Variants in CACNA1D observed in about 807,000 individuals in gnomAD.
CACNA1D encodes the protein voltage-dependent L-type calcium channel subunit alpha-1D.
CACNA1D carries 55 observed loss-of-function variants against 257.1 expected under a neutral mutation model. That is an observed-to-expected ratio of 0.21 (90% confidence interval 0.17 to 0.27). The LOEUF is 0.27. Among genes scored for constraint, CACNA1D ranks in the 10% least tolerant of loss-of-function variants. CACNA1D has a pLI of 1.00. For missense variants in CACNA1D, 1,876 were observed against 2,784.0 expected, an observed-to-expected ratio of 0.67 and a Z score of 7.34; for synonymous variants, 980 against 1,014.9, an observed-to-expected ratio of 0.97 and a Z score of 0.65.
At chr3:53,669,980 A>G (rs570307245) in intron 7 of CACNA1D, among the ~76,000 whole-genome samples, 25 of 152,298 alleles carry the variant, frequency 1.6e-4, no homozygotes, top group Non-Finnish European at 3.2e-4. Flanking sequence ...TTTTCCTTCA[A>G]TTCAAAGAAA....
intron 28 of CACNA1D, among the ~76,000 whole-genome samples, chr3:53,752,119 A>C (rs956658434): frequency 8.5e-5 from 13 of 152,164 alleles, no homozygotes. Context: ...TCCGTACAGC[A>C]TGATGGTAGG....
intron 3 of CACNA1D, among the ~76,000 whole-genome samples, chr3:53,552,367 G>C (rs943697436): frequency 1.3e-5 from 2 of 151,886 alleles, no homozygotes; most frequent in African/African-American, 2.4e-5. Flanking sequence ...TCTCGACATA[G>C]ACCAATTCCC....
intron 8 of CACNA1D, among the ~76,000 whole-genome samples, chr3:53,695,379 G>A (rs563202025): frequency 8.5e-5 from 13 of 152,266 alleles, no homozygotes; most frequent in African/African-American, 2.9e-4. Flanking sequence ...CCCTCAGCAG[G>A]CATCCTTCTT....
Position 53,722,296 on chromosome 3 carries a change from T to A in CACNA1D, c.1506-18T>A, listed in dbSNP as rs909748732. ...GCTGTATCTGTCATCTACGTAGTAA[T>A]GTTTGCTTGTCTTTTAGCCGACGCT... On this transcript the variant is annotated intron_variant, in intron 11 of 47. Transcript: ENST00000350061. 23 of 1,613,808 alleles carry A rather than the reference T, an allele frequency of 1.4e-5. No homozygotes were observed. In the East Asian group the frequency reaches 4.5e-4, roughly 31 times the overall value.
In CACNA1D at chr3:53,727,019, G is replaced by A; in HGVS notation, c.2221+20G>A. 1 of 1,614,066 alleles carries A rather than the reference G, an allele frequency of 6.2e-7. No homozygotes were observed. The highest frequency in any genetic ancestry group is 8.5e-7 in the Non-Finnish European group (1 of 1,179,958). ...GTAACTGTATCCTTCAAGCCGACCA[G>A]GCTTTGTTGTTGCCGTCGTTATCTG... On this transcript the variant is annotated intron_variant, in intron 15 of 47. Transcript: ENST00000350061.
intron 3 of CACNA1D, among the ~76,000 whole-genome samples, chr3:53,579,348 C>G (rs1035290399): frequency 3.3e-5 from 5 of 152,144 alleles, no homozygotes; most frequent in African/African-American, 1.2e-4. Context: ...ATTTCTCTTT[C>G]CTTATTTAAT....
At chr3:53,643,523 C>T (rs2093985684) in intron 3 of CACNA1D, among the ~76,000 whole-genome samples, 1 of 152,168 alleles carries the variant, frequency 6.6e-6, no homozygotes, top group Admixed American at 6.5e-5. Context: ...AGCCGCTGCT[C>T]TCGGTTCTTG....
At chr3:53,530,402 A>G (rs954278554) in intron 3 of CACNA1D, 1 of 152,216 alleles carries the variant, frequency 6.6e-6, no homozygotes, top group African/African-American at 2.4e-5. Context: ...CATCCCACAC[A>G]AAGTGCTCAG....
At chr3:53,683,692 A>G (rs1383391338) in intron 8 of CACNA1D, among the ~76,000 whole-genome samples, 1 of 149,316 alleles carries the variant, frequency 6.7e-6, no homozygotes, top group African/African-American at 2.4e-5. Flanking sequence ...TGGACATAAT[A>G]AAAGAATAGG....
chr3:53,627,742 G>A (rs2093776439), intron 3 of CACNA1D, among the ~76,000 whole-genome samples: 1 of 152,094 alleles, frequency 6.6e-6, no homozygotes. Flanking sequence ...GCCGGGTGTG[G>A]TGACTCATGT....
rs1304215838 is a variant in CACNA1D, at chr3:53,679,431, A to T, written c.1220+6305A>T. 2.0e-5 allele frequency: 3 copies of T among 152,096 alleles called. No individual in the cohort carries two copies. In the East Asian group the frequency reaches 5.8e-4, roughly 29 times the overall value. 9.4% of individuals were successfully genotyped at this position (152,096 alleles called of 1,614,324 possible). ...AAAGAGTAGTGTAATTGCTTACAAC[A>T]TTGAAAAGGTTGTTATTGGGGTCCT... On this transcript the variant is annotated intron_variant, in intron 8 of 47. Coordinates refer to ENST00000350061, the MANE Select transcript of CACNA1D (RefSeq NM_001128840.3).
rs544914390 is a variant in CACNA1D at position 53,791,259 on chromosome 3, C to T, written c.4923+4307C>T. 174 of 522,310 alleles carry T rather than the reference C, an allele frequency of 3.3e-4. No homozygotes were observed. The East Asian group carries it at 5.1e-3, about 15-fold the overall frequency. 32.4% of individuals were successfully genotyped at this position (522,310 alleles called of 1,614,324 possible). A position where few individuals can be genotyped will look rare whatever the true frequency, so the allele number is the denominator to read the frequency against. On this transcript the variant is annotated intron_variant, in intron 40 of 47. Transcript: ENST00000350061. ...GACGTTGCTCACGGTGGTTCTTTTT[C>T]GTGAAAGGGAACGTACAAAGCTTAA...
At chr3:53,745,552 T>C (rs2095160175) in intron 23 of CACNA1D, 72 bp from the exon 24 acceptor site, 1 of 933,932 alleles carries the variant, frequency 1.1e-6, no homozygotes. Flanking sequence ...ACACAGAAAC[T>C]GTCGGCTGAT....
intron 3 of CACNA1D, among the ~76,000 whole-genome samples, chr3:53,515,503 C>G (rs1161798211): frequency 6.6e-6 from 1 of 152,192 alleles, no homozygotes; most frequent in African/African-American, 2.4e-5. Context: ...ATTTGACACA[C>G]CAGGCAGCCA....
intron 3 of CACNA1D, among the ~76,000 whole-genome samples, chr3:53,604,104 A>G (rs2093478248): frequency 6.6e-6 from 1 of 152,242 alleles, no homozygotes; most frequent in African/African-American, 2.4e-5. Context: ...CCTGGGGCTG[A>G]GAGTATGGCT....
At chr3:53,588,509 A>G (rs545592130) in intron 3 of CACNA1D, among the ~76,000 whole-genome samples, 52 of 152,148 alleles carry the variant, frequency 3.4e-4, no homozygotes, top group African/African-American at 1.2e-3. Flanking sequence ...GAGTAGAGAA[A>G]TGCTTCCCAG....
At chr3:53,785,450 C>T (rs977266292) in intron 39 of CACNA1D, 1 of 152,192 alleles carries the variant, frequency 6.6e-6, no homozygotes, top group Non-Finnish European at 1.5e-5. Context: ...CAAGGAGGCC[C>T]GGGCATCTCC....
At chr3:53,703,686 G>A (rs1156288609) in intron 9 of CACNA1D, among the ~76,000 whole-genome samples, 3 of 152,220 alleles carry the variant, frequency 2.0e-5, no homozygotes, top group African/African-American at 4.8e-5. Context: ...CTGGGGACCC[G>A]AGGCCGGCCC....
intron 4 of CACNA1D, among the ~76,000 whole-genome samples, chr3:53,657,052 T>G (rs1329908086): frequency 6.6e-6 from 1 of 152,192 alleles, no homozygotes; most frequent in Admixed American, 6.5e-5. Context: ...CCAGTTCTAC[T>G]CTTAGGTGTT....
Sources: allele counts gnomAD v4.1 joint callset (sites outside exome capture counted in the v4.1 genomes callset), GRCh38; gene constraint gnomAD v4.1.1; transcripts MANE v1.5; gene names NCBI Gene and HGNC (gene_info 2026-07-23, HGNC 2026-07-21).